Variants in CPS1 observed in about 807,000 individuals in gnomAD.
CPS1 encodes carbamoyl-phosphate synthase [ammonia], mitochondrial.
A neutral mutation model predicts 174.6 loss-of-function variants in CPS1; 109 were observed. The ratio of observed to expected loss-of-function variants is 0.62; its 90% CI spans 0.53 to 0.73. CPS1 has a LOEUF of 0.73. CPS1 is among the 30% of genes least tolerant of loss of function. The pLI, the probability that CPS1 is intolerant of heterozygous loss-of-function variation, is 0.00. For missense variants in CPS1, 1,689 were observed against 1,821.9 expected, an observed-to-expected ratio of 0.93 and a Z score of 1.33; for synonymous variants, 637 against 632.0, an observed-to-expected ratio of 1.01 and a Z score of -0.12.
At chr2:210,604,599 A>G (rs748101626) in intron 16 of CPS1, among the ~76,000 whole-genome samples, 12 of 151,978 alleles carry the variant, frequency 7.9e-5, no homozygotes, top group African/African-American at 1.7e-4. Flanking sequence ...TTTATATGCC[A>G]TCTTGGCTAA....
chr2:210,605,183 G>T lies in CPS1; in HGVS notation c.1918G>T (p.Ala640Ser), dbSNP rs142693704. 677 of 1,612,278 alleles carry T rather than the reference G, an allele frequency of 4.2e-4. 1 individual carries two copies. The highest frequency in any genetic ancestry group is 5.3e-4 in the Non-Finnish European group (620 of 1,178,834). The change falls in exon 17 of 38, where the codon GCT (alanine) becomes TCT (serine). Residue 640 changes from alanine (A) to serine (S), a missense_variant. Coordinates refer to ENST00000233072, the MANE Select transcript of CPS1 (RefSeq NM_001875.5). Reference protein sequence around the residue: ...KEIEYEVVRDADDNCVTVCNM... With the variant: ...KEIEYEVVRDSDDNCVTVCNM... ...AATAGAATATGAAGTGGTTCGAGAT[G>T]CTGATGACAATTGTGTCACTGTCTG...
intron 1 of CPS1, among the ~76,000 whole-genome samples, chr2:210,491,882 C>T (rs950795451): frequency 1.3e-5 from 2 of 152,216 alleles, no homozygotes; most frequent in Non-Finnish European, 2.9e-5. Flanking sequence ...ATTCTGCTCT[C>T]TCAGTTCTTG....
intron 1 of CPS1, among the ~76,000 whole-genome samples, chr2:210,511,669 G>C (rs549286817): frequency 1.3e-5 from 2 of 151,918 alleles, no homozygotes; most frequent in South Asian, 2.1e-4. Context: ...TGATACTCCC[G>C]GTCAAACCTA....
chr2:210,595,484 TAGGTTTCCAA>T lies in CPS1; in HGVS notation c.1264_1273del (p.Val422SerfsTer4). ...AACAGTGTCTTTTTCTTATTGCTTA[TAGGTTTCCAA>T]AGTCCTTATTCTAGGATCAGGAGGT... On this transcript the variant is annotated splice_acceptor_variant and coding_sequence_variant, in exon 13 of 38. Transcript: ENST00000233072. LOFTEE classifies it high-confidence loss of function. The T allele has an allele frequency of 6.2e-7, 1 of 1,603,796 alleles. No individual in the cohort carries two copies. The highest frequency in any genetic ancestry group is 8.5e-7 in the Non-Finnish European group (1 of 1,171,350).
intron 1 of CPS1, among the ~76,000 whole-genome samples, chr2:210,546,762 A>T (rs911623793): frequency 6.6e-6 from 1 of 152,116 alleles, no homozygotes; most frequent in African/African-American, 2.4e-5. Context: ...CTTTGGCACT[A>T]TTGGCTGTGT....
intron 1 of CPS1, among the ~76,000 whole-genome samples, chr2:210,498,019 T>G (rs1695045198): frequency 6.6e-6 from 1 of 151,110 alleles, no homozygotes; most frequent in Non-Finnish European, 1.5e-5. Context: ...CTGAGCTAAT[T>G]AACATTCCCA....
At chr2:210,629,704 A>T (rs1457942271) in intron 21 of CPS1, among the ~76,000 whole-genome samples, 1 of 152,004 alleles carries the variant, frequency 6.6e-6, no homozygotes, top group East Asian at 1.9e-4. Flanking sequence ...GACGAATGGT[A>T]AAATTCAAAT....
chr2:210,555,868 T>G (rs1696898245), upstream of CPS1, among the ~76,000 whole-genome samples: 1 of 152,004 alleles, frequency 6.6e-6, no homozygotes, highest in Admixed American at 6.6e-5. Context: ...TTGGAAAATT[T>G]TATATATAAC....
intron 13 of CPS1, among the ~76,000 whole-genome samples, chr2:210,596,659 A>C (rs993322112): frequency 6.6e-6 from 1 of 151,866 alleles, no homozygotes; most frequent in South Asian, 2.1e-4. Flanking sequence ...TCTTTGTATT[A>C]TGCTTTAATT....
intron 1 of CPS1, among the ~76,000 whole-genome samples, chr2:210,486,163 GTA>G (rs1232900703): frequency 4.6e-5 from 6 of 131,048 alleles, no homozygotes; most frequent in Middle Eastern, 4.2e-3. Flanking sequence ...CACACACCCT[GTA>G]TATATATATA....
chr2:210,524,314 G>A (rs537998858), intron 1 of CPS1, among the ~76,000 whole-genome samples: 2 of 152,012 alleles, frequency 1.3e-5, no homozygotes, highest in Non-Finnish European at 2.9e-5. Flanking sequence ...TCTAGCTAGT[G>A]TAACCAAAGG....
Position 210,674,913 on chromosome 2 carries a change from G to T in CPS1, c.4113G>T (p.Arg1371=). 1 of 1,613,662 alleles carries T rather than the reference G, an allele frequency of 6.2e-7. No homozygotes were observed. Among genetic ancestry groups the T allele is most frequent in the Non-Finnish European group, 8.5e-7 (1 of 1,179,640 alleles). ...GILIGIQQSF[R]PRFLGVAEQL... is the part of the protein sequence containing the mutation. ...AAATTCCTTTTCAGCAATCATTCCG[G>T]CCAAGATTCCTTGGTGTGGCTGAAC... The change falls in exon 35 of 38, where the codon CGG becomes CGT. Residue 1371 remains arginine, a synonymous_variant. Coordinates refer to ENST00000233072, the MANE Select transcript of CPS1 (RefSeq NM_001875.5).
At chr2:210,619,702 C>A (rs1244811217) in intron 21 of CPS1, 1 of 151,976 alleles carries the variant, frequency 6.6e-6, no homozygotes, top group Non-Finnish European at 1.5e-5. Context: ...AATAGCTTTC[C>A]CTTATGCTAA....
Position 210,590,294 on chromosome 2 carries a change from C to T in CPS1, c.840+60C>T, listed in dbSNP as rs1698251225. The T allele has an allele frequency of 7.5e-6, 12 of 1,606,806 alleles. No homozygotes were observed. The South Asian group carries it at 1.3e-4, about 18-fold the overall frequency. On this transcript the variant is annotated intron_variant, in intron 8 of 37. Transcript: ENST00000233072. ...GGGAGGTGGGGGCTTCCGCTCTATA[C>T]CCTCAAAGGGCTGTGATACATTTTA...
intron 21 of CPS1, among the ~76,000 whole-genome samples, chr2:210,635,522 T>C (rs928819925): frequency 7.2e-5 from 11 of 152,240 alleles, no homozygotes; most frequent in Admixed American, 6.5e-4. Context: ...TGTTGAGCAC[T>C]TGAAACCTGG....
intron 30 of CPS1, 124 bp downstream of exon 30, chr2:210,656,756 T>G: frequency 2.8e-6 from 2 of 726,358 alleles, no homozygotes; most frequent in Non-Finnish European, 4.9e-6. Context: ...AATTTAATGA[T>G]GAGGCTAACT....
chr2:210,668,291 G>A lies in CPS1; in HGVS notation c.4101+7G>A, dbSNP rs750680538. On this transcript the variant is annotated splice_region_variant and intron_variant, in intron 34 of 37. Transcript: ENST00000233072. Reference sequence around the variant, plus strand: ...CATCCTGATAGGCATCCAGGTAAGTGGTTTGTGGCTGTGTGCTTGCCCATG... The same window carrying A: ...CATCCTGATAGGCATCCAGGTAAGTAGTTTGTGGCTGTGTGCTTGCCCATG... 6.3e-7 allele frequency: 1 copy of A among 1,599,222 alleles called. No individual in the cohort carries two copies. The highest frequency in any genetic ancestry group is 1.1e-5 in the South Asian group (1 of 90,792).
intron 1 of CPS1, chr2:210,477,892 T>G: frequency 9.8e-7 from 1 of 1,017,958 alleles, no homozygotes; most frequent in Non-Finnish European, 1.5e-6. Context: ...TTAAAGGCTA[T>G]CCATTTATCC....
intron 1 of CPS1, among the ~76,000 whole-genome samples, chr2:210,509,712 C>T (rs1216800809): frequency 3.3e-5 from 5 of 152,158 alleles, no homozygotes; most frequent in Non-Finnish European, 5.9e-5. Flanking sequence ...GTGCAAAAAT[C>T]ACAAGCATTC....
Sources: allele counts gnomAD v4.1 joint callset (sites outside exome capture counted in the v4.1 genomes callset), GRCh38; gene constraint gnomAD v4.1.1; transcripts MANE v1.5; gene names NCBI Gene and HGNC (gene_info 2026-07-23, HGNC 2026-07-21).